Variants in BRINP1 observed in about 807,000 individuals in gnomAD.
BRINP1 encodes the protein BMP/retinoic acid-inducible neural-specific protein 1.
Under a neutral mutation model 72.9 loss-of-function variants are expected in BRINP1, and 17 were observed. That is an observed-to-expected ratio of 0.23 (90% confidence interval 0.16 to 0.35). BRINP1 has a LOEUF of 0.35. BRINP1 is among the 10% of genes least tolerant of loss of function. The probability of loss-of-function intolerance (pLI) is 1.00; values close to 1 mark genes in which losing one functional copy is unlikely to be tolerated. For synonymous variants in BRINP1, 418 were observed against 378.5 expected (o/e 1.10, Z -1.21); for missense variants, 850 against 1,001.6 (o/e 0.85, Z 2.04).
chr9:119,263,063 G>A (rs993803816), intron 2 of BRINP1, among the ~76,000 whole-genome samples: 6 of 152,094 alleles, frequency 3.9e-5, no homozygotes, highest in Non-Finnish European at 8.8e-5. Flanking sequence ...AGCGATGAAC[G>A]CAGACCCCTG....
chr9:119,303,156 G>T (rs1830956737), intron 2 of BRINP1, among the ~76,000 whole-genome samples: 1 of 152,108 alleles, frequency 6.6e-6, no homozygotes, highest in African/African-American at 2.4e-5. Flanking sequence ...TGGGTGTCAT[G>T]CTAGAGTCGC....
At position 119,234,485 on chromosome 9, in the gene BRINP1, T is replaced by C. The variant is rs371235670; in HGVS notation, c.685+4170A>G. On this transcript the variant is annotated intron_variant, in intron 5 of 7. Transcript: ENST00000265922. Reference sequence around the variant, plus strand: ...GACTATTTCCCTTTTTCTTTTTGACTTCAGAAGTTTTAAAAATATGTATAT... The same window carrying C: ...GACTATTTCCCTTTTTCTTTTTGACCTCAGAAGTTTTAAAAATATGTATAT... Among the ~76,000 whole-genome samples, 20 of 152,314 alleles carry C rather than the reference T, an allele frequency of 1.3e-4. No individual in the cohort carries two copies. The East Asian group carries it at 2.1e-3, about 16-fold the overall frequency.
At chr9:119,241,834 G>A (rs1189980852) in intron 4 of BRINP1, among the ~76,000 whole-genome samples, 2 of 152,146 alleles carry the variant, frequency 1.3e-5, no homozygotes, top group African/African-American at 4.8e-5. Context: ...GAATACTCTA[G>A]CAAATCAGTA....
chr9:119,330,327 A>G (rs933606169), intron 1 of BRINP1, among the ~76,000 whole-genome samples: 2 of 151,982 alleles, frequency 1.3e-5, no homozygotes, highest in East Asian at 1.9e-4. Flanking sequence ...CCTCACCACC[A>G]TCCACTCCCC....
chr9:119,187,911 T>A (rs1275655915), intron 7 of BRINP1, among the ~76,000 whole-genome samples: 1 of 152,046 alleles, frequency 6.6e-6, no homozygotes, highest in Non-Finnish European at 1.5e-5. Flanking sequence ...ATTCAATGAA[T>A]GAATTAAAAA....
intron 2 of BRINP1, among the ~76,000 whole-genome samples, chr9:119,274,985 C>G (rs1274478309): frequency 6.6e-6 from 1 of 152,068 alleles, no homozygotes; most frequent in Non-Finnish European, 1.5e-5. Flanking sequence ...ACCCTGTAGA[C>G]TAAATCACAT....
At chr9:119,219,092 C>T (rs1830011587) in intron 5 of BRINP1, among the ~76,000 whole-genome samples, 1 of 152,140 alleles carries the variant, frequency 6.6e-6, no homozygotes, top group Non-Finnish European at 1.5e-5. Flanking sequence ...GACACCATAT[C>T]TGCTGGTACT....
chr9:119,180,581 C>T lies in BRINP1; in HGVS notation c.1146-12357G>A, dbSNP rs374767497. ...AGTGGTGTCAGAATACTTGAGATTC[C>T]GCTGAAAACAGCCTCAGAAATGCTA... On this transcript the variant is annotated intron_variant, in intron 7 of 7. Coordinates refer to ENST00000265922, the MANE Select transcript of BRINP1 (RefSeq NM_014618.3). Among the ~76,000 whole-genome samples the T allele has an allele frequency of 1.2e-4, 18 of 151,948 alleles. No individual in the cohort carries two copies. In the East Asian group the frequency reaches 2.5e-3, roughly 21 times the overall value.
At chr9:119,262,158 A>G (rs1307909277) in intron 2 of BRINP1, among the ~76,000 whole-genome samples, 1 of 152,190 alleles carries the variant, frequency 6.6e-6, no homozygotes, top group Non-Finnish European at 1.5e-5. Context: ...AACTATCTCT[A>G]TGACACTATG....
At chr9:119,214,402 T>A (rs1829958270) in intron 5 of BRINP1, among the ~76,000 whole-genome samples, 1 of 152,204 alleles carries the variant, frequency 6.6e-6, no homozygotes, top group South Asian at 2.1e-4. Flanking sequence ...CTCTATTCTG[T>A]TATAGTAGGA....
rs779152229 is a variant in BRINP1, at chr9:119,167,997, C to T, written c.1373G>A (p.Arg458Gln). 6.4e-5 allele frequency: 104 copies of T among 1,614,040 alleles called. No individual in the cohort carries two copies. The highest frequency in any genetic ancestry group is 8.2e-5 in the Non-Finnish European group (97 of 1,180,012). The change falls in exon 8 of 8, where the codon CGA becomes CAA. Residue 458 changes from arginine (R) to glutamine (Q), a missense_variant. Transcript: ENST00000265922. The surrounding 1 kb of genome is among the most constrained non-coding windows in gnomAD (Gnocchi z 4.3). The part of the protein sequence containing the change: ...GSCNKGYKLY[R>Q]GRCEPQNVDS... ...CACGTTCTGTGGTTCACAGCGGCCTCGATACAGCTTGTAGCCCTTGTTGCA... is the reference window on the plus strand; with the variant it reads ...CACGTTCTGTGGTTCACAGCGGCCTTGATACAGCTTGTAGCCCTTGTTGCA...
At chr9:119,237,814 A>G (rs769850663) in intron 5 of BRINP1, among the ~76,000 whole-genome samples, 2 of 150,846 alleles carry the variant, frequency 1.3e-5, no homozygotes, top group Non-Finnish European at 2.9e-5. Flanking sequence ...GGCGCACACC[A>G]CCGCGCCCAG....
At chr9:119,176,283 A>T (rs942740061) in intron 7 of BRINP1, among the ~76,000 whole-genome samples, 11 of 152,072 alleles carry the variant, frequency 7.2e-5, no homozygotes, top group Admixed American at 5.9e-4. Flanking sequence ...TGCTGTGGAG[A>T]TGGTGATGGT....
chr9:119,219,160 C>T (rs1047614648), intron 5 of BRINP1, among the ~76,000 whole-genome samples: 8 of 152,080 alleles, frequency 5.3e-5, no homozygotes, highest in Non-Finnish European at 1.2e-4. Flanking sequence ...TTGTGTAAGC[C>T]ACCCAGTCTG....
At chr9:119,249,570 C>A (rs1474997035) in intron 2 of BRINP1, among the ~76,000 whole-genome samples, 1 of 152,072 alleles carries the variant, frequency 6.6e-6, no homozygotes, top group East Asian at 1.9e-4. Context: ...TGTCTAAGTT[C>A]TTATATAATG....
At chr9:119,313,086 C>A (rs1831085547) in intron 2 of BRINP1, 52 bp downstream of exon 2, 1 of 1,574,456 alleles carries the variant, frequency 6.4e-7, no homozygotes, top group East Asian at 2.3e-5. Flanking sequence ...ACGCCTGACT[C>A]CACAAAGCAT....
chr9:119,260,423 T>C (rs904344371), intron 2 of BRINP1, among the ~76,000 whole-genome samples: 2 of 152,240 alleles, frequency 1.3e-5, no homozygotes, highest in African/African-American at 4.8e-5. Context: ...AGTTTGCTAA[T>C]CCTGTTTTAT....
At chr9:119,172,749 T>C (rs372764873) in intron 7 of BRINP1, among the ~76,000 whole-genome samples, 2 of 152,030 alleles carry the variant, frequency 1.3e-5, no homozygotes, top group Admixed American at 6.6e-5. Flanking sequence ...ACTGGCAAAC[T>C]GAATCCAGCA....
At chr9:119,206,834 A>G (rs893593911) in intron 7 of BRINP1, among the ~76,000 whole-genome samples, 1 of 152,198 alleles carries the variant, frequency 6.6e-6, no homozygotes, top group Non-Finnish European at 1.5e-5. Context: ...TTCTTCAGAG[A>G]CTTGCTCGTG....
Sources: allele counts gnomAD v4.1 joint callset (sites outside exome capture counted in the v4.1 genomes callset), GRCh38; gene constraint gnomAD v4.1.1; non-coding constraint Gnocchi (gnomAD v3.1); transcripts MANE v1.5; gene names NCBI Gene and HGNC (gene_info 2026-07-23, HGNC 2026-07-21).